DNAH17: variants seen among roughly 807,000 people sequenced by gnomAD.
The protein encoded by DNAH17 is axonemal beta dynein heavy chain 17.
Under a neutral mutation model 485.6 loss-of-function variants are expected in DNAH17, and 376 were observed. The observed-to-expected ratio is 0.77, with a 90% CI of 0.71 to 0.84. The LOEUF is 0.84. DNAH17 is among the 40% of genes least tolerant of loss of function. The pLI is 0.00. For missense variants in DNAH17, 6,370 were observed against 5,839.3 expected (o/e 1.09, Z -2.96); for synonymous variants, 3,031 against 2,405.9 (o/e 1.26, Z -7.60).
chr17:78,548,202 CTTTTTTTTTT>C (rs34701814), intron 16 of DNAH17, among the ~76,000 whole-genome samples: 17 of 80,120 alleles, frequency 2.1e-4, no homozygotes, highest in African/African-American at 9.1e-4. Context: ...ATGTCATGGC[CTTTTTTTTTT>C]TTTTTTTTTG....
Position 78,545,922 on chromosome 17 carries a change from A to G in DNAH17, c.2392-1925T>C, listed in dbSNP as rs182905630. ...CTTTGCTGATTAATATTTTATGTGT[A>G]TGTATGTATGCAAGGATGTATATAT... is the stretch of plus-strand genomic sequence containing the variant. On this transcript the variant is annotated intron_variant, in intron 16 of 80. Coordinates refer to ENST00000389840, the MANE Select transcript of DNAH17 (RefSeq NM_173628.4). Among the ~76,000 whole-genome samples, 3 of 151,998 alleles carry G rather than the reference A, an allele frequency of 2.0e-5. No individual in the cohort carries two copies. The East Asian group carries it at 5.8e-4, about 29-fold the overall frequency.
At chr17:78,570,876 AAAGAAAAAAG>A (rs1460417494) in intron 6 of DNAH17, 62 bp downstream of exon 6, 1 of 803,160 alleles carries the variant, frequency 1.2e-6, no homozygotes, top group Non-Finnish European at 1.8e-6. Context: ...AAAAAAAAAA[AAAGAAAAAAG>A]AAAAGAAAAG....
At chr17:78,488,494 T>TA (rs2089710447) in intron 44 of DNAH17, among the ~76,000 whole-genome samples, 1 of 152,164 alleles carries the variant, frequency 6.6e-6, no homozygotes, top group African/African-American at 2.4e-5. Flanking sequence ...TCTGCTCCCA[T>TA]AGGGTGTCCC....
At chr17:78,447,047 G>A (rs767655552) in intron 69 of DNAH17, among the ~76,000 whole-genome samples, 3 of 151,960 alleles carry the variant, frequency 2.0e-5, no homozygotes, top group African/African-American at 4.8e-5. Flanking sequence ...CAAGTGACCC[G>A]CCTATCTCAG....
chr17:78,494,749 G>A lies in DNAH17; in HGVS notation c.6114C>T (p.Asp2038=), dbSNP rs1218881328. 1.9e-6 allele frequency: 3 copies of A among 1,613,640 alleles called. No homozygotes were observed. Among genetic ancestry groups the A allele is most frequent in the African/African-American group, 1.3e-5 (1 of 75,044 alleles). Residue 2038 remains aspartate (D), a synonymous_variant, in exon 40 of 81, where the codon GAC becomes GAT. Coordinates refer to ENST00000389840, the MANE Select transcript of DNAH17 (RefSeq NM_173628.4). ...LVVAGSLKRG[D]PSRAEDQVLM... is the part of the protein sequence containing the mutation. The stretch of plus-strand genomic sequence containing the variant: ...GCACCTGGTCCTCTGCCCGGCTGGG[G>A]TCGCCCCTCTTCAGGGAGCCGGCCA...
Position 78,484,968 on chromosome 17 carries a change from G to A in DNAH17, c.7549C>T (p.Leu2517Phe), listed in dbSNP as rs768695434. ...RNYGPPGTKK[L>F]VYFIDDMNMP... ...TTCATGTCGTCGATGAAGTAGACGA[G>A]CTTCTTAGTGCCTGGCGGCCCGTAG... is the stretch of plus-strand genomic sequence containing the variant. Residue 2517 changes from leucine (L) to phenylalanine (F), a missense_variant, in exon 48 of 81, where the codon CTC becomes TTC. Leu to Phe is a conservative substitution (Grantham distance 22, BLOSUM62 0). Coordinates refer to ENST00000389840, the MANE Select transcript of DNAH17 (RefSeq NM_173628.4). The A allele has an allele frequency of 3.7e-6, 6 of 1,613,278 alleles. No individual in the cohort carries two copies. The highest frequency in any genetic ancestry group is 3.3e-4 in the Middle Eastern group (2 of 6,082).
intron 55 of DNAH17, 79 bp from the exon 56 acceptor site, chr17:78,466,895 T>G: frequency 7.1e-7 from 1 of 1,406,582 alleles, no homozygotes; most frequent in South Asian, 1.5e-5. Flanking sequence ...CAGAAAGCTC[T>G]GCCAGAAAGC....
intron 36 of DNAH17, chr17:78,500,066 C>G: frequency 2.1e-6 from 1 of 485,200 alleles, no homozygotes. Context: ...GGGTCACCTC[C>G]AGGGCAGGGG....
At chr17:78,568,121 CA>C (rs900113873) in intron 9 of DNAH17, among the ~76,000 whole-genome samples, 6 of 152,302 alleles carry the variant, frequency 3.9e-5, no homozygotes, top group South Asian at 2.1e-4. Context: ...GGCCTGTTGT[CA>C]GGGGGTGGAC....
chr17:78,574,652 A>AGGCCGC, intron 2 of DNAH17, 61 bp downstream of exon 2: 1 of 1,455,180 alleles, frequency 6.9e-7, no homozygotes, highest in Non-Finnish European at 9.4e-7. Context: ...GCAGGACTCA[A>AGGCCGC]GGCCGCTCCC....
intron 25 of DNAH17, among the ~76,000 whole-genome samples, chr17:78,522,073 C>T (rs888321479): frequency 2.0e-5 from 3 of 152,168 alleles, no homozygotes; most frequent in African/African-American, 7.2e-5. Context: ...AGAAATTACT[C>T]GCAATCACAA....
At chr17:78,479,161 G>GC in intron 50 of DNAH17, 45 bp from the exon 51 acceptor site, 15 of 1,581,988 alleles carry the variant, frequency 9.5e-6, no homozygotes, top group Non-Finnish European at 1.3e-5. Flanking sequence ...ACTCTTGATG[G>GC]CCCCAGGAAG....
intron 36 of DNAH17, chr17:78,499,628 C>G (rs1466741516): frequency 6.6e-6 from 1 of 152,358 alleles, no homozygotes; most frequent in African/African-American, 2.4e-5. Flanking sequence ...TCAGATTTCA[C>G]TTTTCTAAAA....
At chr17:78,574,540 G>T (rs1472055795) in intron 2 of DNAH17, among the ~76,000 whole-genome samples, 173 bp downstream of exon 2, 1 of 152,064 alleles carries the variant, frequency 6.6e-6, no homozygotes, top group African/African-American at 2.4e-5. Flanking sequence ...AAGCAAGCAG[G>T]TCTGTCTCAG....
intron 37 of DNAH17, 73 bp downstream of exon 37, chr17:78,498,935 C>A (rs980289424): frequency 2.0e-5 from 23 of 1,177,844 alleles, no homozygotes; most frequent in Non-Finnish European, 2.6e-5. Context: ...GTCTATCTGG[C>A]GTGTGAGGTC....
At position 78,502,654 on chromosome 17, in the gene DNAH17, G is replaced by T. The variant is rs760013715; in HGVS notation, c.5127C>A (p.Gly1709=). ...CTQIWWTTEV[G]LAFARLEEGY... ...CTTCCTCCAGCCTGGCAAATGCCAG[G>T]CCCACCTCGGTCGTCCACCAGATCT... The change falls in exon 33 of 81, where the codon GGC becomes GGA. Residue 1709 remains glycine (G), a synonymous_variant. Transcript: ENST00000389840. The T allele has an allele frequency of 6.2e-7, 1 of 1,611,620 alleles. No homozygotes were observed. Among genetic ancestry groups the T allele is most frequent in the East Asian group, 2.2e-5 (1 of 44,874 alleles).
At chr17:78,502,116 G>A in intron 33 of DNAH17, 1 of 534,230 alleles carries the variant, frequency 1.9e-6, no homozygotes, top group Non-Finnish European at 3.3e-6. Context: ...CACGAGAGAG[G>A]GTGGATGAGA....
At chr17:78,558,291 G>C in intron 13 of DNAH17, 37 bp from the exon 14 acceptor site, 3 of 1,607,656 alleles carry the variant, frequency 1.9e-6, no homozygotes, top group Non-Finnish European at 2.5e-6. Context: ...CATGTCAGCA[G>C]GTCAGGTCAA....
intron 22 of DNAH17, 111 bp from the exon 23 acceptor site, chr17:78,527,107 G>T: frequency 1.1e-6 from 1 of 883,110 alleles, no homozygotes; most frequent in Non-Finnish European, 1.7e-6. Context: ...GCAGGGGCCG[G>T]CGCGGTGGCT....
Sources: allele counts gnomAD v4.1 joint callset (sites outside exome capture counted in the v4.1 genomes callset), GRCh38; gene constraint gnomAD v4.1.1; transcripts MANE v1.5; gene names NCBI Gene and HGNC (gene_info 2026-07-23, HGNC 2026-07-21).